The following MICALL2 variants were observed in gnomAD, a reference collection of about 807,000 sequenced individuals.
MICALL2 encodes the protein MICAL-like protein 2.
A neutral mutation model predicts 91.1 loss-of-function variants in MICALL2; 111 were observed. That is an observed-to-expected ratio of 1.22 (90% CI 1.04 to 1.43). The LOEUF (loss-of-function observed/expected upper bound fraction) is 1.43, where lower values mean the gene tolerates loss of function less well. MICALL2 is among the 40% of genes most tolerant of loss of function. The probability of loss-of-function intolerance (pLI) is 0.00; values close to 1 mark genes in which losing one functional copy is unlikely to be tolerated. For synonymous variants in MICALL2, 694 were observed against 525.3 expected, an observed-to-expected ratio of 1.32 and a Z score of -4.39; for missense variants, 1,556 against 1,236.0, an observed-to-expected ratio of 1.26 and a Z score of -3.88.
chr7:1,437,226 G>A, intron 14 of MICALL2: 1 of 498,548 alleles, frequency 2.0e-6, no homozygotes, highest in South Asian at 2.9e-5. Flanking sequence ...GGCTCGCCCT[G>A]ACTGCTGCTA....
At chr7:1,437,278 A>G in intron 14 of MICALL2, 1 of 521,742 alleles carries the variant, frequency 1.9e-6, no homozygotes, top group Non-Finnish European at 3.4e-6. Context: ...AATCCTCACA[A>G]CAGCTGCGTG....
At chr7:1,442,571 G>T in intron 6 of MICALL2, 87 bp from the exon 7 acceptor site, 1 of 1,318,852 alleles carries the variant, frequency 7.6e-7, no homozygotes, top group Non-Finnish European at 1.0e-6. Context: ...CCTCCCTGCA[G>T]CTCACTCCCA....
chr7:1,439,028 C>T lies in MICALL2; in HGVS notation c.1967-33G>A, dbSNP rs369409281. On this transcript the variant is annotated intron_variant, in intron 9 of 16. Transcript: ENST00000297508. ...CAGGTGGGGAGACAGAGCCACGCTT[C>T]AGAGCAGGGCCACTGGGAGCCTGGG... 1.8e-5 allele frequency: 27 copies of T among 1,528,182 alleles called. No homozygotes were observed. The African/African-American group carries it at 2.9e-4, about 16-fold the overall frequency. The allele number at this position is 1,528,182 out of a possible 1,614,324, so 94.7% of individuals were successfully genotyped here.
In MICALL2 at chr7:1,452,111, A is replaced by AC. The variant is rs1584232613; in HGVS notation, c.144-1824dup. On this transcript the variant is annotated intron_variant, in intron 1 of 16. Transcript: ENST00000297508. The surrounding 1 kb of genome is among the most constrained non-coding windows in gnomAD (Gnocchi z 6.2). ...GAACCCTCCACCGTTTCCAGCTTGG[A>AC]CCCCCTCCCAGGTAACAGGTTTCAG... Among the ~76,000 whole-genome samples the AC allele has an allele frequency of 1.3e-5, 2 of 151,296 alleles. No individual in the cohort carries two copies. Among genetic ancestry groups the AC allele is most frequent in the East Asian group, 3.9e-4 (2 of 5,128 alleles).
Position 1,444,834 on chromosome 7 carries a change from C to A in MICALL2, c.1236G>T (p.Arg412Ser), listed in dbSNP as rs527570499. 2 of 1,609,060 alleles carry A rather than the reference C, an allele frequency of 1.2e-6. No individual in the cohort carries two copies. Among genetic ancestry groups the A allele is most frequent in the Middle Eastern group, 1.7e-4 (1 of 6,028 alleles). ...AAAACTTATTCCGGGCCTGCTGGGT[C>A]CTGGAGGCGGACGGGGTCCAGGCTG... is the stretch of plus-strand genomic sequence containing the variant. ...DPPAWTPSAS[R>S]TQQARNKFFQ... is the part of the protein sequence containing the mutation. Residue 412 changes from arginine (R) to serine (S), a missense_variant, in exon 6 of 17, where the codon AGG becomes AGT. Coordinates refer to ENST00000297508, the MANE Select transcript of MICALL2 (RefSeq NM_182924.4).
chr7:1,438,739 TC>T, intron 10 of MICALL2, 100 bp downstream of exon 10: 32 of 1,507,304 alleles, frequency 2.1e-5, no homozygotes, highest in Non-Finnish European at 2.8e-5. Context: ...CCATTCTAGG[TC>T]CTGTGAATGC....
intron 13 of MICALL2, 40 bp downstream of exon 13, chr7:1,437,850 G>A (rs1780050669): frequency 1.3e-6 from 2 of 1,525,752 alleles, no homozygotes. Context: ...CCGCAACGAG[G>A]TCCTGGCCTT....
At position 1,434,468 on chromosome 7, in the gene MICALL2, G is replaced by A. The variant is rs542118740; in HGVS notation, c.*128C>T. The A allele has an allele frequency of 1.2e-5, 10 of 826,820 alleles. No homozygotes were observed. Among genetic ancestry groups the A allele is most frequent in the Middle Eastern group, 2.2e-4 (1 of 4,574 alleles). 51.2% of individuals were successfully genotyped at this position (826,820 alleles called of 1,614,324 possible). On this transcript the variant is annotated 3_prime_UTR_variant, in exon 17 of 17. Coordinates refer to ENST00000297508, the MANE Select transcript of MICALL2 (RefSeq NM_182924.4). ...GGAGGCCCTTCCCGAGTCCAAGTCCGAATGCCGGGTCCGGGCCGAGCCCAC... is the reference window on the plus strand; with the variant it reads ...GGAGGCCCTTCCCGAGTCCAAGTCCAAATGCCGGGTCCGGGCCGAGCCCAC...
chr7:1,434,717 G>A (rs367593980), intron 16 of MICALL2, 45 bp from the exon 17 acceptor site: 41 of 1,503,468 alleles, frequency 2.7e-5, no homozygotes, highest in South Asian at 4.0e-5. Flanking sequence ...CGCCGCAGCC[G>A]CACAGCCGTG....
In MICALL2 at chr7:1,434,690, AGT is replaced by A. The variant is rs1779878506; in HGVS notation, c.2639-20_2639-19del. ...CTGGAGGCCTAGGGGACAGGTGGAC[AGT>A]GAGGCCGTGCTCAACGCCGCAGCCG... On this transcript the variant is annotated intron_variant, in intron 16 of 16. Transcript: ENST00000297508. 6.5e-7 allele frequency: 1 copy of A among 1,538,504 alleles called. No homozygotes were observed. The highest frequency in any genetic ancestry group is 8.7e-7 in the Non-Finnish European group (1 of 1,146,762).
Position 1,450,948 on chromosome 7 carries a change from G to A in MICALL2, c.144-660C>T, listed in dbSNP as rs964635142. Reference sequence around the variant, plus strand: ...TGTGGAGCAGACACCGGTTATGTCTGCATCTCACAGAGACAGCGGCTCGGG... The same window carrying A: ...TGTGGAGCAGACACCGGTTATGTCTACATCTCACAGAGACAGCGGCTCGGG... On this transcript the variant is annotated intron_variant, in intron 1 of 16. Coordinates refer to ENST00000297508, the MANE Select transcript of MICALL2 (RefSeq NM_182924.4). Among the ~76,000 whole-genome samples, 6 of 152,226 alleles carry A rather than the reference G, an allele frequency of 3.9e-5. No homozygotes were observed. In the South Asian group the frequency reaches 6.2e-4, roughly 16 times the overall value.
chr7:1,439,578 CTGA>C (rs1241195661), intron 9 of MICALL2: 4 of 249,982 alleles, frequency 1.6e-5, no homozygotes, highest in South Asian at 1.3e-4. Context: ...CGCATGAACA[CTGA>C]TGTACACATG....
intron 6 of MICALL2, among the ~76,000 whole-genome samples, chr7:1,443,859 G>C (rs1409956661): frequency 6.6e-6 from 1 of 152,198 alleles, no homozygotes; most frequent in Non-Finnish European, 1.5e-5. Flanking sequence ...CCCAGTGAGG[G>C]GGTCTTTGGA....
In MICALL2 at chr7:1,444,744, A is replaced by G. The variant is rs1440743320; in HGVS notation, c.1326T>C (p.Val442=). The change falls in exon 6 of 17, where the codon GTT becomes GTC. Residue 442 remains valine (V), a synonymous_variant. Transcript: ENST00000297508. ...GCTCCTTGCTGCTGTCCTTGGATAG[A>G]ACAAGTGACGGGGTGGGACCTCTGC... The part of the protein sequence containing the change: ...LSGRGPTPSL[V]LSKDSSKEQA... 1 of 1,612,494 alleles carries G rather than the reference A, an allele frequency of 6.2e-7. No homozygotes were observed. Among genetic ancestry groups the G allele is most frequent in the Non-Finnish European group, 8.5e-7 (1 of 1,179,852 alleles).
rs1183961716 is a variant in MICALL2 at position 1,438,727 on chromosome 7, C to T, written c.2122+113G>A. The T allele has an allele frequency of 1.2e-5, 18 of 1,494,912 alleles. No homozygotes were observed. The East Asian group carries it at 3.2e-4, about 27-fold the overall frequency. The allele number at this position is 1,494,912 out of a possible 1,614,324, so 92.6% of individuals were successfully genotyped here. On this transcript the variant is annotated intron_variant, in intron 10 of 16. Transcript: ENST00000297508. ...GCTGGGTCCTTCCTCCAGGCTTTCCCTCCATTCTAGGTCCTGTGAATGCAT... is the reference window on the plus strand; with the variant it reads ...GCTGGGTCCTTCCTCCAGGCTTTCCTTCCATTCTAGGTCCTGTGAATGCAT...
At position 1,438,942 on chromosome 7, in the gene MICALL2, C is replaced by T. The variant is rs764003316; in HGVS notation, c.2020G>A (p.Asp674Asn). Residue 674 changes from aspartate (D) to asparagine (N), a missense_variant, in exon 10 of 17, where the codon GAC becomes AAC. Physicochemically the swap from Asp to Asn is conservative, Grantham distance 23. Transcript: ENST00000297508. ...GGCCGAAGCCAGTTGTCACAAACGTCGAGGCTGGCAGGGACGGCCAGTCTC... is the reference window on the plus strand; with the variant it reads ...GGCCGAAGCCAGTTGTCACAAACGTTGAGGCTGGCAGGGACGGCCAGTCTC... ...RRRLAVPASL[D>N]VCDNWLRPEP... The T allele has an allele frequency of 8.1e-6, 13 of 1,605,484 alleles. No individual in the cohort carries two copies. Among genetic ancestry groups the T allele is most frequent in the South Asian group, 6.6e-5 (6 of 91,052 alleles).
chr7:1,451,958 A>G lies in MICALL2; in HGVS notation c.144-1670T>C, dbSNP rs6949127. Among the ~76,000 whole-genome samples, 2,587 of 152,272 alleles carry G rather than the reference A, an allele frequency of 0.017. 66 individuals carry two copies. The highest frequency in any genetic ancestry group is 0.058 in the African/African-American group (2,406 of 41,544). ...TTTCACAGATGGGGAAACTGAGGCC[A>G]GGCAGCAGCCACACGGTGGGGTGGG... On this transcript the variant is annotated intron_variant, in intron 1 of 16. Coordinates refer to ENST00000297508, the MANE Select transcript of MICALL2 (RefSeq NM_182924.4). This position sits in a 1 kb window ranked among gnomAD's most constrained non-coding sequence, Gnocchi z 4.5.
chr7:1,442,530 C>T (rs200647296), intron 6 of MICALL2, 46 bp from the exon 7 acceptor site: 13 of 1,501,244 alleles, frequency 8.7e-6, no homozygotes, highest in East Asian at 7.0e-5. Flanking sequence ...ATCCAGGCGC[C>T]CTCCCACCAT....
chr7:1,445,609 C>T (rs1223327256), intron 5 of MICALL2, among the ~76,000 whole-genome samples, 181 bp from the exon 6 acceptor site: 3 of 152,364 alleles, frequency 2.0e-5, no homozygotes, highest in South Asian at 2.1e-4. Context: ...CTCCTGTGTT[C>T]CACTCACGAG....
Sources: gnomAD v4.1 joint callset for allele counts (sites outside exome capture counted in the v4.1 genomes callset) on GRCh38, gnomAD v4.1.1 for gene constraint, Gnocchi (gnomAD v3.1) non-coding constraint, MANE v1.5 for transcripts, NCBI Gene and HGNC (gene_info 2026-07-23, HGNC 2026-07-21) for gene names.